The following CDK1 variants were observed in gnomAD, a reference collection of about 807,000 sequenced individuals.
CDK1 encodes the protein cyclin dependent kinase 1, also known as cyclin-dependent kinase 1.
CDK1 carries 5 observed loss-of-function variants against 34.6 expected under a neutral mutation model. The ratio of observed to expected loss-of-function variants is 0.14; its 90% CI spans 0.08 to 0.30. The LOEUF is 0.30. Among genes scored for constraint, CDK1 ranks in the 10% least tolerant of loss-of-function variants. The pLI is 1.00. For synonymous variants in CDK1, 108 were observed against 114.7 expected, an observed-to-expected ratio of 0.94 and a Z score of 0.37; for missense variants, 157 against 345.7, an observed-to-expected ratio of 0.45 and a Z score of 4.33.
At chr10:60,783,135 G>C (rs2080286918) in intron 2 of CDK1, among the ~76,000 whole-genome samples, 1 of 152,080 alleles carries the variant, frequency 6.6e-6, no homozygotes, top group Non-Finnish European at 1.5e-5. Context: ...TGTTTAATGA[G>C]AGCTGAATTT....
intron 5 of CDK1, among the ~76,000 whole-genome samples, chr10:60,789,195 G>T (rs2080338758): frequency 6.6e-6 from 1 of 152,130 alleles, no homozygotes. Context: ...TTAAATTGGG[G>T]TAGTTAGCAT....
At chr10:60,785,162 A>C (rs1164238839) in intron 3 of CDK1, among the ~76,000 whole-genome samples, 1 of 152,120 alleles carries the variant, frequency 6.6e-6, no homozygotes, top group Non-Finnish European at 1.5e-5. Context: ...CTACTTGGGG[A>C]GCTCTAGTTC....
chr10:60,793,357 CT>C lies in CDK1; in HGVS notation c.796-515del, dbSNP rs3213080. Among the ~76,000 whole-genome samples, 1,055 of 152,034 alleles carry C rather than the reference CT, an allele frequency of 6.9e-3. 2 individuals carry two copies. Among genetic ancestry groups the C allele is most frequent in the Non-Finnish European group, 1.0e-2 (679 of 67,906 alleles). ...AACATCAATCCTAAACTTTATTTAG[CT>C]TTTTCTGGCGCGTAAACTAACATAC... On this transcript the variant is annotated intron_variant, in intron 7 of 7. Transcript: ENST00000395284.
rs1460138776 is a variant in CDK1, at chr10:60,792,129, T to A, written c.654-19T>A. ...ATTACATTTATGCTTTAAGAAATTT[T>A]TAATTTCCTGTTTTTTAGAGCTTTG... On this transcript the variant is annotated intron_variant, in intron 6 of 7. Coordinates refer to ENST00000395284, the MANE Select transcript of CDK1 (RefSeq NM_001786.5). 4 of 1,599,648 alleles carry A rather than the reference T, an allele frequency of 2.5e-6. No individual in the cohort carries two copies. The African/African-American group carries it at 4.1e-5, about 16-fold the overall frequency.
intron 7 of CDK1, among the ~76,000 whole-genome samples, chr10:60,792,935 C>T (rs2080371377): frequency 6.6e-6 from 1 of 152,072 alleles, no homozygotes; most frequent in Admixed American, 6.6e-5. Context: ...TGTTTAGTGG[C>T]ATGTCATCAC....
chr10:60,793,778 A>C (rs2080377675), intron 7 of CDK1, 99 bp from the exon 8 acceptor site: 3 of 622,064 alleles, frequency 4.8e-6, no homozygotes, highest in Middle Eastern at 3.8e-4. Flanking sequence ...TGAAAGTATT[A>C]GTTTTGGTTT....
At position 60,784,689 on chromosome 10, in the gene CDK1, A is replaced by G. The variant is rs755001326; in HGVS notation, c.38-16A>G. On this transcript the variant is annotated splice_polypyrimidine_tract_variant and intron_variant, in intron 2 of 7. Coordinates refer to ENST00000395284, the MANE Select transcript of CDK1 (RefSeq NM_001786.5). Reference sequence around the variant, plus strand: ...TGTGGGGTGTGTCACACAGCATATTATTTACTTTGTTTCAGGTACCTATGG... The same window carrying G: ...TGTGGGGTGTGTCACACAGCATATTGTTTACTTTGTTTCAGGTACCTATGG... 21 of 1,598,888 alleles carry G rather than the reference A, an allele frequency of 1.3e-5. No homozygotes were observed. The highest frequency in any genetic ancestry group is 1.8e-5 in the Non-Finnish European group (21 of 1,169,218).
In CDK1 at chr10:60,781,386, C is replaced by G. The variant is rs369087051; in HGVS notation, c.37+1184C>G. On this transcript the variant is annotated intron_variant, in intron 2 of 7. Coordinates refer to ENST00000395284, the MANE Select transcript of CDK1 (RefSeq NM_001786.5). ...TACATACATGTAAGTCATAAGACTT[C>G]CATTCTTTATTTCTAGCAGTGTGAC... is the stretch of plus-strand genomic sequence containing the variant. 4.6e-5 allele frequency among the ~76,000 whole-genome samples: 7 copies of G among 152,068 alleles called. No individual in the cohort carries two copies. The East Asian group carries it at 5.8e-4, about 13-fold the overall frequency.
rs1248552005 is a variant in CDK1 at position 60,793,339 on chromosome 10, A to G, written c.796-538A>G. Among the ~76,000 whole-genome samples the G allele has an allele frequency of 2.6e-5, 4 of 152,196 alleles. No homozygotes were observed. In the East Asian group the frequency reaches 7.7e-4, roughly 29 times the overall value. ...TTCTTAAAGATCAAATTTAACATCAATCCTAAACTTTATTTAGCTTTTTCT... is the reference window on the plus strand; with the variant it reads ...TTCTTAAAGATCAAATTTAACATCAGTCCTAAACTTTATTTAGCTTTTTCT... On this transcript the variant is annotated intron_variant, in intron 7 of 7. Coordinates refer to ENST00000395284, the MANE Select transcript of CDK1 (RefSeq NM_001786.5).
intron 5 of CDK1, 148 bp downstream of exon 5, chr10:60,788,378 G>C (rs1403810678): frequency 2.0e-6 from 1 of 497,940 alleles, no homozygotes; most frequent in Non-Finnish European, 3.4e-6. Flanking sequence ...CAAATTCATT[G>C]CATGCTATGT....
At position 60,791,845 on chromosome 10, in the gene CDK1, T is replaced by G. The variant is rs202194980; in HGVS notation, c.490-45T>G. 3,071 of 1,136,224 alleles carry G rather than the reference T, an allele frequency of 2.7e-3. 4 individuals carry two copies. The highest frequency in any genetic ancestry group is 3.3e-3 in the Non-Finnish European group (2,563 of 780,258). 70.4% of individuals were successfully genotyped at this position (1,136,224 alleles called of 1,614,324 possible). A position where few individuals can be genotyped will look rare whatever the true frequency, so the allele number is the denominator to read the frequency against. On this transcript the variant is annotated intron_variant, in intron 5 of 7. Coordinates refer to ENST00000395284, the MANE Select transcript of CDK1 (RefSeq NM_001786.5). ...ATATAAATGTTTAAGTGTAGGTAATTTTATGCACCACATTTATTCATTGTA... is the reference window on the plus strand; with the variant it reads ...ATATAAATGTTTAAGTGTAGGTAATGTTATGCACCACATTTATTCATTGTA...
chr10:60,780,840 G>C (rs1460817118), intron 2 of CDK1, among the ~76,000 whole-genome samples: 3 of 151,918 alleles, frequency 2.0e-5, no homozygotes, highest in Non-Finnish European at 2.9e-5. Context: ...GAACATTCTC[G>C]ATTCTCCAGG....
chr10:60,789,083 C>T lies in CDK1; in HGVS notation c.489+853C>T, dbSNP rs138095348. On this transcript the variant is annotated intron_variant, in intron 5 of 7. Transcript: ENST00000395284. ...ACTAATCTGTTATTTGACTTATTCA[C>T]GTTTTTTAAATAATTTAAAAATCAT... 2.7e-3 allele frequency among the ~76,000 whole-genome samples: 417 copies of T among 152,150 alleles called. 3 individuals carry two copies. The highest frequency in any genetic ancestry group is 0.014 in the Middle Eastern group (4 of 294).
In CDK1 at chr10:60,792,171, A is replaced by C; in HGVS notation, c.677A>C (p.Glu226Ala). Residue 226 changes from glutamate (E) to alanine (A), a missense_variant, in exon 7 of 8, where the codon GAA (glutamate) becomes GCA (alanine). Transcript: ENST00000395284. Reference sequence around the variant, plus strand: ...AGAGCTTTGGGCACTCCCAATAATGAAGTGTGGCCAGAAGTGGAATCTTTA... The same window carrying C: ...AGAGCTTTGGGCACTCCCAATAATGCAGTGTGGCCAGAAGTGGAATCTTTA... Reference protein sequence around the residue: ...IFRALGTPNNEVWPEVESLQD... With the variant: ...IFRALGTPNNAVWPEVESLQD... The C allele has an allele frequency of 1.2e-6, 2 of 1,609,878 alleles. No individual in the cohort carries two copies. Among genetic ancestry groups the C allele is most frequent in the Non-Finnish European group, 1.7e-6 (2 of 1,178,572 alleles).
chr10:60,792,375 A>G (rs1231498338), intron 7 of CDK1, 86 bp downstream of exon 7: 12 of 1,238,536 alleles, frequency 9.7e-6, no homozygotes, highest in Non-Finnish European at 1.2e-5. Context: ...AAATAGGAAG[A>G]ACACTAACAT....
intron 4 of CDK1, among the ~76,000 whole-genome samples, chr10:60,787,329 T>C (rs1333361470): frequency 2.0e-5 from 3 of 152,072 alleles, no homozygotes; most frequent in Non-Finnish European, 4.4e-5. Context: ...GTTTGGTAGG[T>C]TAGGTGTGTT....
In CDK1 at chr10:60,794,390, T is replaced by C. The variant is rs1240507273; in HGVS notation, c.*415T>C. 6.5e-6 allele frequency: 1 copy of C among 152,934 alleles called. No individual in the cohort carries two copies. Among genetic ancestry groups the C allele is most frequent in the Non-Finnish European group, 1.5e-5 (1 of 68,548 alleles). The allele number at this position is 152,934 out of a possible 1,614,324, so 9.5% of individuals were successfully genotyped here. A position where few individuals can be genotyped will look rare whatever the true frequency, so the allele number is the denominator to read the frequency against. ...ATGTTTAAATGTTCTCATCAGTTTC[T>C]TGCCATGTTGTTAACTATACAACCT... is the stretch of plus-strand genomic sequence containing the variant. On this transcript the variant is annotated 3_prime_UTR_variant, in exon 8 of 8. Coordinates refer to ENST00000395284, the MANE Select transcript of CDK1 (RefSeq NM_001786.5).
chr10:60,782,914 G>A (rs907168573), intron 2 of CDK1, among the ~76,000 whole-genome samples: 1 of 152,152 alleles, frequency 6.6e-6, no homozygotes, highest in Non-Finnish European at 1.5e-5. Flanking sequence ...AACACATTGA[G>A]TGTTGGCCAC....
chr10:60,787,781 T>G (rs901363098), intron 4 of CDK1: 1 of 184,500 alleles, frequency 5.4e-6, no homozygotes, highest in Non-Finnish European at 1.1e-5. Context: ...AGAAAACCAA[T>G]TTGTAATTTA....
Sources: allele counts gnomAD v4.1 joint callset (sites outside exome capture counted in the v4.1 genomes callset), GRCh38; gene constraint gnomAD v4.1.1; transcripts MANE v1.5; gene names NCBI Gene and HGNC (gene_info 2026-07-23, HGNC 2026-07-21).